RARB: variants seen among roughly 807,000 people sequenced by gnomAD.
RARB encodes the protein retinoic acid receptor beta.
RARB carries 17 observed loss-of-function variants against 51.9 expected under a neutral mutation model. The observed-to-expected ratio is 0.33, with a 90% confidence interval of 0.22 to 0.49. The LOEUF (loss-of-function observed/expected upper bound fraction) is 0.49. RARB is among the 20% of genes least tolerant of loss of function. The probability of loss-of-function intolerance (pLI) is 0.99; values close to 1 mark genes in which losing one functional copy is unlikely to be tolerated. For synonymous variants in RARB, 215 were observed against 195.4 expected (o/e 1.10, Z -0.84); for missense variants, 369 against 550.8 (o/e 0.67, Z 3.30).
chr3:24,881,065 A>G (rs1005144933), intron 2 of RARB, among the ~76,000 whole-genome samples: 4 of 152,134 alleles, frequency 2.6e-5, no homozygotes, highest in Non-Finnish European at 5.9e-5. Context: ...TGCTGTTCTC[A>G]TGATAGTGAG....
chr3:24,984,908 C>G (rs971417132), intron 2 of RARB, among the ~76,000 whole-genome samples: 17 of 152,202 alleles, frequency 1.1e-4, no homozygotes, highest in Admixed American at 1.1e-3. Context: ...ATTTCCTGTT[C>G]TGAGCTTTGC....
intron 5 of RARB, among the ~76,000 whole-genome samples, chr3:25,334,180 A>G (rs957805220): frequency 6.6e-6 from 1 of 152,220 alleles, no homozygotes; most frequent in Non-Finnish European, 1.5e-5. Context: ...ATTACTGGGT[A>G]TATACCCAAA....
At chr3:25,592,111 TATG>T (rs1404201539) in intron 5 of RARB, among the ~76,000 whole-genome samples, 2 of 152,182 alleles carry the variant, frequency 1.3e-5, no homozygotes, top group African/African-American at 4.8e-5. Flanking sequence ...CTGATGGGAA[TATG>T]GGCAGGATGG....
chr3:25,154,904 A>G (rs767357197), intron 4 of RARB, among the ~76,000 whole-genome samples: 1 of 152,166 alleles, frequency 6.6e-6, no homozygotes, highest in Non-Finnish European at 1.5e-5. Context: ...GCTGTGAGCT[A>G]CTTGGGAGGA....
At chr3:25,067,858 C>T (rs1247000957) in intron 3 of RARB, among the ~76,000 whole-genome samples, 1 of 151,892 alleles carries the variant, frequency 6.6e-6, no homozygotes, top group Non-Finnish European at 1.5e-5. Flanking sequence ...AAATCTTGGC[C>T]GGGTGCAGTG....
intron 5 of RARB, among the ~76,000 whole-genome samples, chr3:25,185,001 A>C (rs1700944320): frequency 6.6e-6 from 1 of 152,232 alleles, no homozygotes; most frequent in Non-Finnish European, 1.5e-5. Context: ...AAATCTTGTC[A>C]CAGGACAATC....
At chr3:25,284,712 C>T (rs905973519) in intron 5 of RARB, among the ~76,000 whole-genome samples, 1 of 152,162 alleles carries the variant, frequency 6.6e-6, no homozygotes, top group African/African-American at 2.4e-5. Context: ...ATTTAAATAA[C>T]AATTGCAGTT....
intron 2 of RARB, among the ~76,000 whole-genome samples, chr3:24,945,194 G>A (rs1165242550): frequency 2.0e-5 from 3 of 152,134 alleles, no homozygotes; most frequent in Admixed American, 6.5e-5. Flanking sequence ...GCCATAGTGC[G>A]CTTTAGACAT....
intron 5 of RARB, among the ~76,000 whole-genome samples, chr3:25,242,503 C>T (rs1575249127): frequency 6.6e-6 from 1 of 152,068 alleles, no homozygotes; most frequent in Non-Finnish European, 1.5e-5. Flanking sequence ...GGAAGGGGTC[C>T]AGTCTCAGTT....
chr3:25,567,258 TCTC>T (rs1264138897), intron 3 of RARB, among the ~76,000 whole-genome samples: 6 of 152,172 alleles, frequency 3.9e-5, no homozygotes, highest in Non-Finnish European at 7.3e-5. Flanking sequence ...AACATTTTCA[TCTC>T]CTAAAAAACA....
chr3:25,055,467 A>T (rs1698417411), intron 2 of RARB, among the ~76,000 whole-genome samples: 1 of 152,158 alleles, frequency 6.6e-6, no homozygotes, highest in South Asian at 2.1e-4. Context: ...GGTACATATA[A>T]TTTGCACAAG....
intron 4 of RARB, among the ~76,000 whole-genome samples, chr3:25,141,164 T>C (rs903039859): frequency 6.6e-6 from 1 of 152,144 alleles, no homozygotes; most frequent in African/African-American, 2.4e-5. Context: ...TATAGTTCTC[T>C]AAAAGATGGT....
chr3:25,509,607 G>C (rs2125618399), intron 3 of RARB, among the ~76,000 whole-genome samples: 1 of 152,308 alleles, frequency 6.6e-6, no homozygotes, highest in South Asian at 2.1e-4. Context: ...CCGGGAGCCA[G>C]GTGGCTCATT....
chr3:25,046,375 A>G (rs966335159), intron 2 of RARB, among the ~76,000 whole-genome samples: 3 of 152,382 alleles, frequency 2.0e-5, no homozygotes, highest in South Asian at 4.1e-4. Flanking sequence ...TTTAAGATCT[A>G]TTGAAGACTT....
At chr3:25,377,298 G>T (rs1268115710) in intron 5 of RARB, among the ~76,000 whole-genome samples, 1 of 152,134 alleles carries the variant, frequency 6.6e-6, no homozygotes, top group Non-Finnish European at 1.5e-5. Context: ...TTGAAAAGGG[G>T]ACTTGAGAAA....
At chr3:25,331,070 A>C (rs1335885067) in intron 5 of RARB, among the ~76,000 whole-genome samples, 6 of 152,166 alleles carry the variant, frequency 3.9e-5, no homozygotes, top group African/African-American at 1.2e-4. Context: ...CCACACAACA[A>C]TAATGGGAGA....
intron 5 of RARB, among the ~76,000 whole-genome samples, chr3:25,320,783 A>G (rs1704548493): frequency 1.3e-5 from 2 of 152,120 alleles, no homozygotes. Flanking sequence ...TTGACCAGAG[A>G]TATGATTTGG....
chr3:25,466,611 C>G (rs1053659404), intron 2 of RARB, among the ~76,000 whole-genome samples: 1 of 152,314 alleles, frequency 6.6e-6, no homozygotes, highest in South Asian at 2.1e-4. Flanking sequence ...CCATTCTTTT[C>G]TATCAAAATA....
chr3:25,081,928 C>T (rs532433370), intron 3 of RARB, among the ~76,000 whole-genome samples: 24 of 151,558 alleles, frequency 1.6e-4, no homozygotes, highest in African/African-American at 5.3e-4. Context: ...CCACTGTGCC[C>T]GGCCTGCTTC....
Sources: allele counts gnomAD v4.1 joint callset (sites outside exome capture counted in the v4.1 genomes callset), GRCh38; gene constraint gnomAD v4.1.1; transcripts MANE v1.5; gene names NCBI Gene and HGNC (gene_info 2026-07-23, HGNC 2026-07-21).